RANBP17: variants seen among roughly 807,000 people sequenced by gnomAD.
RANBP17 encodes ran-binding protein 17.
In RANBP17, 158 loss-of-function variants were observed where a neutral mutation model predicts 141.2. That is an observed-to-expected ratio of 1.12 (90% CI 0.98 to 1.28). The LOEUF (loss-of-function observed/expected upper bound fraction) is 1.28, where lower values mean the gene tolerates loss of function less well. Among genes scored for constraint, RANBP17 ranks in the 50% most tolerant of loss-of-function variants. The pLI is 0.00. For missense variants in RANBP17, 1,438 were observed against 1,290.7 expected, an observed-to-expected ratio of 1.11 and a Z score of -1.75; for synonymous variants, 430 against 450.0, an observed-to-expected ratio of 0.96 and a Z score of 0.56.
At chr5:170,876,271 C>T (rs1561846372) in intron 1 of RANBP17, among the ~76,000 whole-genome samples, 1 of 152,012 alleles carries the variant, frequency 6.6e-6, no homozygotes, top group Non-Finnish European at 1.5e-5. Context: ...CTAGTCAGTC[C>T]TGGTGACAGA....
At chr5:171,118,874 G>A (rs1290089752) in intron 14 of RANBP17, among the ~76,000 whole-genome samples, 1 of 152,134 alleles carries the variant, frequency 6.6e-6, no homozygotes, top group Non-Finnish European at 1.5e-5. Context: ...TGCAAACAGG[G>A]ACAATTTGGC....
intron 22 of RANBP17, among the ~76,000 whole-genome samples, chr5:171,236,928 A>T (rs1428495831): frequency 1.3e-5 from 2 of 152,240 alleles, no homozygotes; most frequent in Admixed American, 6.5e-5. Flanking sequence ...TTCTGTTACA[A>T]TATTATCTTA....
intron 18 of RANBP17, among the ~76,000 whole-genome samples, chr5:171,195,179 T>C (rs1420264444): frequency 6.6e-6 from 1 of 152,218 alleles, no homozygotes; most frequent in Non-Finnish European, 1.5e-5. Context: ...CATATTGGTT[T>C]CTGTACCTTT....
At chr5:171,186,326 C>T (rs1261038769) in intron 18 of RANBP17, among the ~76,000 whole-genome samples, 1 of 152,096 alleles carries the variant, frequency 6.6e-6, no homozygotes, top group Admixed American at 6.6e-5. Flanking sequence ...ACTGCAGCTT[C>T]TCCATCAGCA....
intron 25 of RANBP17, among the ~76,000 whole-genome samples, chr5:171,277,975 TTTAGAACTGA>T (rs1767638396): frequency 8.9e-6 from 1 of 112,092 alleles, no homozygotes; most frequent in Non-Finnish European, 1.7e-5. Flanking sequence ...TTTTTGATTT[TTTAGAACTGA>T]TTGGACAGGA....
chr5:171,205,458 G>A (rs765453845), intron 19 of RANBP17, 66 bp from the exon 20 acceptor site: 85 of 1,312,888 alleles, frequency 6.5e-5, no homozygotes, highest in Non-Finnish European at 9.2e-5. Flanking sequence ...ATTATTGCCT[G>A]ATTATTACTC....
At chr5:171,047,892 CTAAT>C (rs1352580084) in intron 14 of RANBP17, among the ~76,000 whole-genome samples, 1 of 152,012 alleles carries the variant, frequency 6.6e-6, no homozygotes, top group African/African-American at 2.4e-5. Context: ...TTGGCAGAGT[CTAAT>C]TATTACATTT....
At chr5:170,913,378 A>G (rs1443046555) in intron 7 of RANBP17, among the ~76,000 whole-genome samples, 1 of 151,936 alleles carries the variant, frequency 6.6e-6, no homozygotes, top group Admixed American at 6.6e-5. Flanking sequence ...ATTTGATGCT[A>G]TTGATGGTGT....
intron 22 of RANBP17, among the ~76,000 whole-genome samples, chr5:171,225,870 C>T (rs915064276): frequency 1.3e-5 from 2 of 152,126 alleles, no homozygotes; most frequent in Non-Finnish European, 2.9e-5. Flanking sequence ...TCATGATATA[C>T]TTTGATGTAA....
chr5:171,180,121 A>G (rs1486864386), intron 16 of RANBP17, among the ~76,000 whole-genome samples: 4 of 152,214 alleles, frequency 2.6e-5, no homozygotes, highest in Non-Finnish European at 2.9e-5. Flanking sequence ...GCCAGACTAT[A>G]GAGTTTGCTC....
intron 11 of RANBP17, among the ~76,000 whole-genome samples, chr5:170,921,422 C>T (rs558835679): frequency 1.3e-5 from 2 of 152,128 alleles, no homozygotes; most frequent in South Asian, 2.1e-4. Context: ...ATTTCTGAGG[C>T]CTCTGTTCTG....
intron 14 of RANBP17, among the ~76,000 whole-genome samples, chr5:171,118,844 G>T (rs1398566852): frequency 6.6e-6 from 1 of 152,106 alleles, no homozygotes; most frequent in Non-Finnish European, 1.5e-5. Context: ...AGGTTTATCT[G>T]TATATAGGAT....
At chr5:171,286,631 C>T (rs960688871) in intron 25 of RANBP17, among the ~76,000 whole-genome samples, 4 of 152,068 alleles carry the variant, frequency 2.6e-5, no homozygotes, top group African/African-American at 7.2e-5. Context: ...ATCACATAGG[C>T]GAATAGCAGA....
intron 18 of RANBP17, among the ~76,000 whole-genome samples, chr5:171,184,453 T>A (rs1761097227): frequency 6.6e-6 from 1 of 151,974 alleles, no homozygotes; most frequent in Admixed American, 6.6e-5. Context: ...AACTAGAGAG[T>A]AGAATGGTGG....
chr5:171,063,554 G>A (rs972808073), intron 14 of RANBP17, among the ~76,000 whole-genome samples: 1 of 152,152 alleles, frequency 6.6e-6, no homozygotes, highest in East Asian at 1.9e-4. Context: ...GCCGTGTGAG[G>A]TGTCAGTCTG....
chr5:171,261,021 C>T lies in RANBP17; in HGVS notation c.2777-4660C>T, dbSNP rs536390094. ...TGTCATGTGGTATGAATGTAATATGCGAGTGACACATTTAGGAAATATTTA... is the reference window on the plus strand; with the variant it reads ...TGTCATGTGGTATGAATGTAATATGTGAGTGACACATTTAGGAAATATTTA... On this transcript the variant is annotated intron_variant, in intron 24 of 27. Coordinates refer to ENST00000523189, the MANE Select transcript of RANBP17 (RefSeq NM_022897.5). Among the ~76,000 whole-genome samples the T allele has an allele frequency of 2.8e-4, 41 of 148,190 alleles. 2 individuals carry two copies. In the South Asian group the frequency reaches 8.4e-3, roughly 30 times the overall value.
In RANBP17 at chr5:171,293,921, C is replaced by A. The variant is rs1405634575; in HGVS notation, c.2982C>A (p.Asp994Glu). 1.9e-6 allele frequency: 3 copies of A among 1,613,798 alleles called. No individual in the cohort carries two copies. In the African/African-American group the frequency reaches 4.0e-5, roughly 22 times the overall value. Reference protein sequence around the residue: ...SVLMNTIVFEDCRNQWSVSRP... With the variant: ...SVLMNTIVFEECRNQWSVSRP... ...TCATGAACACCATTGTCTTTGAAGACTGTCGGAACCAGTGGTCAGTATCCA... is the reference window on the plus strand; with the variant it reads ...TCATGAACACCATTGTCTTTGAAGAATGTCGGAACCAGTGGTCAGTATCCA... The change falls in exon 26 of 28, where the codon GAC (aspartate) becomes GAA (glutamate). Residue 994 changes from aspartate to glutamate, a missense_variant. Transcript: ENST00000523189.
chr5:171,252,403 G>C, intron 24 of RANBP17: 1 of 1,528,546 alleles, frequency 6.5e-7, no homozygotes, highest in Non-Finnish European at 9.1e-7. Flanking sequence ...CAAAGATGAA[G>C]ATTTTTTAGA....
chr5:170,988,960 G>A (rs1329067470), intron 14 of RANBP17, among the ~76,000 whole-genome samples: 1 of 151,770 alleles, frequency 6.6e-6, no homozygotes, highest in Non-Finnish European at 1.5e-5. Flanking sequence ...GGAGTCTTGG[G>A]TAGAATTTGC....
Sources: gnomAD v4.1 joint callset for allele counts (sites outside exome capture counted in the v4.1 genomes callset) on GRCh38, gnomAD v4.1.1 for gene constraint, MANE v1.5 for transcripts, NCBI Gene and HGNC (gene_info 2026-07-23, HGNC 2026-07-21) for gene names.